LARP4B: variants seen among roughly 807,000 people sequenced by gnomAD.
LARP4B encodes la-related protein 4B.
Under a neutral mutation model 89.8 loss-of-function variants are expected in LARP4B, and 12 were observed. The ratio of observed to expected loss-of-function variants is 0.13; its 90% CI spans 0.09 to 0.22. The LOEUF is 0.22. Among genes scored for constraint, LARP4B ranks in the 10% least tolerant of loss-of-function variants. LARP4B has a pLI of 1.00. For missense variants in LARP4B, 757 were observed against 947.7 expected (o/e 0.80, Z 2.64); for synonymous variants, 367 against 363.3 (o/e 1.01, Z -0.12).
At chr10:961,423 C>T in the LARP4B span, among the ~76,000 whole-genome samples, 13 of 149,280 alleles carry the variant, frequency 8.7e-5, no homozygotes, top group African/African-American at 2.8e-4. Context: ...GGTGAGGCCT[C>T]GGGAAGGTCC....
At chr10:881,700 C>T (rs1414032401) in intron 3 of LARP4B, among the ~76,000 whole-genome samples, 1 of 152,210 alleles carries the variant, frequency 6.6e-6, no homozygotes, top group African/African-American at 2.4e-5. Flanking sequence ...TTCAAAATGA[C>T]CTTGCTTGAC....
Position 858,504 on chromosome 10 carries a change from A to T in LARP4B, c.430+5239T>A, listed in dbSNP as rs571919285. On this transcript the variant is annotated intron_variant, in intron 5 of 17. Coordinates refer to ENST00000316157, the MANE Select transcript of LARP4B (RefSeq NM_015155.3). ...ATTCAACAATGTTATCTTAGATATGACACCAAAGGCATAGGCAGCCCAACA... is the reference window on the plus strand; with the variant it reads ...ATTCAACAATGTTATCTTAGATATGTCACCAAAGGCATAGGCAGCCCAACA... 2.0e-3 allele frequency among the ~76,000 whole-genome samples: 299 copies of T among 152,378 alleles called. 1 individual carries two copies. The highest frequency in any genetic ancestry group is 6.8e-3 in the African/African-American group (281 of 41,588).
chr10:949,813 T>A, the LARP4B span, among the ~76,000 whole-genome samples: 3 of 152,210 alleles, frequency 2.0e-5, no homozygotes, highest in African/African-American at 7.2e-5. Context: ...CTGCACTTTT[T>A]TTTTCTTTTT....
chr10:877,244 G>C lies in LARP4B; in HGVS notation c.141+7203C>G, dbSNP rs567694582. Among the ~76,000 whole-genome samples the C allele has an allele frequency of 2.6e-5, 4 of 152,296 alleles. No individual in the cohort carries two copies. The East Asian group carries it at 7.7e-4, about 29-fold the overall frequency. On this transcript the variant is annotated intron_variant, in intron 3 of 17. Coordinates refer to ENST00000316157, the MANE Select transcript of LARP4B (RefSeq NM_015155.3). ...TAAAAATTAAAAGTTAGCTGGGTGT[G>C]GGGGCGCGTGTCTGTAGTACCAGCT...
intron 1 of LARP4B, among the ~76,000 whole-genome samples, chr10:916,276 C>T (rs1289646387): frequency 6.6e-6 from 1 of 152,202 alleles, no homozygotes; most frequent in African/African-American, 2.4e-5. Flanking sequence ...TACTCTAAGT[C>T]TTTTGGCATC....
the LARP4B span, among the ~76,000 whole-genome samples, chr10:962,058 C>T: frequency 6.6e-6 from 1 of 152,050 alleles, no homozygotes; most frequent in Admixed American, 6.6e-5. Context: ...TTTGGGAGGC[C>T]AAGGCCGGTG....
At chr10:964,920 G>A in the LARP4B span, among the ~76,000 whole-genome samples, 1 of 152,182 alleles carries the variant, frequency 6.6e-6, no homozygotes, top group Non-Finnish European at 1.5e-5. Context: ...GCCCCACCAG[G>A]AGCCCTGGGA....
chr10:852,277 A>G (rs1458374516), intron 5 of LARP4B, among the ~76,000 whole-genome samples: 5 of 152,244 alleles, frequency 3.3e-5, no homozygotes, highest in African/African-American at 1.2e-4. Context: ...AATGGAATCC[A>G]GTAGTATATC....
the LARP4B span, among the ~76,000 whole-genome samples, chr10:962,914 G>A: frequency 1.9e-4 from 29 of 152,212 alleles, no homozygotes; most frequent in Admixed American, 1.4e-3. Flanking sequence ...CTCCAGATGA[G>A]ACCACCTGAA....
At chr10:852,467 G>A (rs1298124478) in intron 5 of LARP4B, among the ~76,000 whole-genome samples, 1 of 152,192 alleles carries the variant, frequency 6.6e-6, no homozygotes, top group Admixed American at 6.5e-5. Flanking sequence ...ACCAGGAAAA[G>A]AAGAGTGCCT....
At chr10:933,197 A>G (rs986399212), upstream of LARP4B, 1 of 152,238 alleles carries the variant, frequency 6.6e-6, no homozygotes, top group East Asian at 1.9e-4. Context: ...ATTATCAATT[A>G]TTCCAAATTT....
intron 1 of LARP4B, among the ~76,000 whole-genome samples, chr10:889,465 G>A (rs1005960672): frequency 2.0e-5 from 3 of 152,126 alleles, no homozygotes; most frequent in Non-Finnish European, 4.4e-5. Flanking sequence ...GAAGAAACTG[G>A]AATACCCGTA....
rs34586444 is a variant in LARP4B, at chr10:900,919, C to CTTTTT, written c.-39-15164_-39-15160dup. ...GGTGTGAGCCACCAGCGCCTGGCCT[C>CTTTTT]TTTTTTTTTTTTTTTTTGAGACGGA... On this transcript the variant is annotated intron_variant, in intron 1 of 17. Transcript: ENST00000316157. 1.7e-3 allele frequency among the ~76,000 whole-genome samples: 171 copies of CTTTTT among 101,188 alleles called. 2 individuals carry two copies. Among genetic ancestry groups the CTTTTT allele is most frequent in the Middle Eastern group, 0.01 (1 of 96 alleles). The allele number at this position is 101,188 out of a possible 152,430, so 66.4% of individuals were successfully genotyped here. A position where few individuals can be genotyped will look rare whatever the true frequency, so the allele number is the denominator to read the frequency against.
the LARP4B span, among the ~76,000 whole-genome samples, chr10:965,366 T>A: frequency 6.6e-6 from 1 of 152,180 alleles, no homozygotes; most frequent in Non-Finnish European, 1.5e-5. Context: ...AGGCCTGGGC[T>A]GGTTTCTCTG....
chr10:967,997 C>T, the LARP4B span, among the ~76,000 whole-genome samples: 609 of 152,266 alleles, frequency 4.0e-3, 2 homozygotes, highest in Middle Eastern at 6.8e-3. Flanking sequence ...CCACCGCGCC[C>T]GGCCCTGTTT....
At chr10:961,364 G>A in the LARP4B span, among the ~76,000 whole-genome samples, 1 of 152,148 alleles carries the variant, frequency 6.6e-6, no homozygotes, top group Non-Finnish European at 1.5e-5. Context: ...CTTCAGGTGA[G>A]GCCTCGGGAA....
At chr10:878,772 T>A (rs1291004361) in intron 3 of LARP4B, among the ~76,000 whole-genome samples, 1 of 152,226 alleles carries the variant, frequency 6.6e-6, no homozygotes, top group East Asian at 1.9e-4. Context: ...ACTGTTTGCA[T>A]GGTACTGCCA....
At chr10:929,292 G>A (rs142798204) in intron 1 of LARP4B, among the ~76,000 whole-genome samples, 1 of 152,114 alleles carries the variant, frequency 6.6e-6, no homozygotes, top group East Asian at 1.9e-4. Context: ...CTACAAGGTA[G>A]AATATTTTAA....
intron 1 of LARP4B, among the ~76,000 whole-genome samples, chr10:909,814 AT>A (rs560448105): frequency 4.7e-5 from 7 of 150,322 alleles, no homozygotes; most frequent in South Asian, 2.1e-4. Context: ...AAGTTCCAAG[AT>A]TTTTTTTTTA....
Sources: allele counts gnomAD v4.1 joint callset (sites outside exome capture counted in the v4.1 genomes callset), GRCh38; gene constraint gnomAD v4.1.1; transcripts MANE v1.5; gene names NCBI Gene and HGNC (gene_info 2026-07-23, HGNC 2026-07-21).